WFDC8: variants seen among roughly 807,000 people sequenced by gnomAD.
WFDC8 encodes the protein WAP four-disulfide core domain 8.
Under a neutral mutation model 27.0 loss-of-function variants are expected in WFDC8, and 24 were observed. The observed-to-expected ratio is 0.89, with a 90% CI of 0.64 to 1.25. WFDC8 has a LOEUF of 1.25. Ranked by LOEUF, WFDC8 falls within the 50% of genes most tolerant of loss-of-function variation. The probability of loss-of-function intolerance (pLI) is 0.00; values close to 1 mark genes in which losing one functional copy is unlikely to be tolerated. For synonymous variants in WFDC8, 106 were observed against 99.7 expected, an observed-to-expected ratio of 1.06 and a Z score of -0.38; for missense variants, 287 against 295.9, an observed-to-expected ratio of 0.97 and a Z score of 0.22.
chr20:45,566,989 T>A (rs1331560197), intron 1 of WFDC8, among the ~76,000 whole-genome samples: 19 of 152,244 alleles, frequency 1.2e-4, no homozygotes, highest in Non-Finnish European at 2.6e-4. Context: ...ATAAATGCTA[T>A]GCAAGTAGTT....
At chr20:45,564,031 T>C (rs1172641334) in intron 1 of WFDC8, among the ~76,000 whole-genome samples, 1 of 152,266 alleles carries the variant, frequency 6.6e-6, no homozygotes, top group African/African-American at 2.4e-5. Flanking sequence ...CATTCAAATT[T>C]AATTGGTCAT....
Position 45,556,772 on chromosome 20 carries a change from T to C in WFDC8, c.278-904A>G, listed in dbSNP as rs142516015. Among the ~76,000 whole-genome samples the C allele has an allele frequency of 8.1e-4, 123 of 152,332 alleles. 2 individuals carry two copies. Among genetic ancestry groups the C allele is most frequent in the African/African-American group, 2.9e-3 (120 of 41,576 alleles). On this transcript the variant is annotated intron_variant, in intron 3 of 5. Coordinates refer to ENST00000289953, the MANE Select transcript of WFDC8 (RefSeq NM_130896.3). ...TATTGTTTTGAAGGGTCATCTCTTATTCTGTGCAACAACAACAAACTATTT... is the reference window on the plus strand; with the variant it reads ...TATTGTTTTGAAGGGTCATCTCTTACTCTGTGCAACAACAACAAACTATTT...
intron 1 of WFDC8, chr20:45,568,652 G>C (rs1329071543): frequency 1.9e-6 from 1 of 536,800 alleles, no homozygotes; most frequent in Non-Finnish European, 3.8e-6. Context: ...AAAGTGTACT[G>C]TTGCAGGCAG....
At chr20:45,559,908 G>T (rs911632348) in intron 2 of WFDC8, 2 of 152,144 alleles carry the variant, frequency 1.3e-5, no homozygotes, top group African/African-American at 4.8e-5. Flanking sequence ...ATGGCTTCCT[G>T]ATTTCAGTGC....
At chr20:45,575,040 C>T (rs1220824762) in intron 1 of WFDC8, among the ~76,000 whole-genome samples, 3 of 152,046 alleles carry the variant, frequency 2.0e-5, no homozygotes, top group African/African-American at 4.8e-5. Context: ...ACAATAAAGG[C>T]CAGATATGAC....
intron 1 of WFDC8, among the ~76,000 whole-genome samples, chr20:45,570,895 G>A (rs1980844634): frequency 6.6e-6 from 1 of 152,208 alleles, no homozygotes; most frequent in East Asian, 1.9e-4. Context: ...CATGCTATTT[G>A]GAGAAATGAA....
chr20:45,551,401 G>T (rs1198666601), downstream of WFDC8: 1 of 152,178 alleles, frequency 6.6e-6, no homozygotes, highest in African/African-American at 2.4e-5. Context: ...GCTGAGGTGG[G>T]TGGATCACCT....
chr20:45,553,853 CCTAA>C (rs1313683914), intron 4 of WFDC8, among the ~76,000 whole-genome samples: 1 of 152,142 alleles, frequency 6.6e-6, no homozygotes, highest in East Asian at 1.9e-4. Context: ...AAAATTATTT[CCTAA>C]CTAACTTAAT....
chr20:45,558,039 C>T (rs759306116), intron 3 of WFDC8, among the ~76,000 whole-genome samples: 1 of 152,144 alleles, frequency 6.6e-6, no homozygotes, highest in African/African-American at 2.4e-5. Context: ...CACCCGCCCC[C>T]CTCTAAGCTA....
intron 3 of WFDC8, among the ~76,000 whole-genome samples, chr20:45,557,433 TG>T (rs1980301885): frequency 1.3e-5 from 2 of 151,968 alleles, no homozygotes; most frequent in South Asian, 2.1e-4. Flanking sequence ...TATTTTCTTT[TG>T]TTTTTTTTTG....
chr20:45,552,539 A>G (rs1980076057), intron 5 of WFDC8, among the ~76,000 whole-genome samples: 1 of 152,198 alleles, frequency 6.6e-6, no homozygotes, highest in Non-Finnish European at 1.5e-5. Context: ...GAGTTGCCCA[A>G]TGCCACATAG....
chr20:45,573,442 C>T (rs531012333), intron 1 of WFDC8, among the ~76,000 whole-genome samples: 1 of 152,122 alleles, frequency 6.6e-6, no homozygotes, highest in South Asian at 2.1e-4. Context: ...TTGTTTTATC[C>T]CTCTCTGCCC....
chr20:45,571,035 C>T (rs1387585255), intron 1 of WFDC8, among the ~76,000 whole-genome samples: 1 of 152,108 alleles, frequency 6.6e-6, no homozygotes, highest in African/African-American at 2.4e-5. Context: ...GTTTCTGAGC[C>T]TGCTTGGGTA....
Position 45,558,918 on chromosome 20 carries a change from C to A in WFDC8, c.211G>T (p.Asp71Tyr). Residue 71 changes from aspartate (D) to tyrosine (Y), a missense_variant, in exon 3 of 6, where the codon GAC becomes TAC. By Grantham distance (160) the Asp-to-Tyr change is radical (BLOSUM62 -3). Transcript: ENST00000289953. ...ELPDSCNTDF[D>Y]CKEYQKCCFF... ...CAGCACTTCTGGTATTCCTTGCAGT[C>A]AAAATCTGTGTTACATGAGTCCGGA... 6.2e-7 allele frequency: 1 copy of A among 1,614,200 alleles called. No individual in the cohort carries two copies. The highest frequency in any genetic ancestry group is 1.7e-5 in the Admixed American group (1 of 60,024).
At chr20:45,562,259 C>CAG in intron 1 of WFDC8, 40 bp from the exon 2 acceptor site, 1 of 1,536,738 alleles carries the variant, frequency 6.5e-7, no homozygotes, top group Non-Finnish European at 9.0e-7. Flanking sequence ...AAGCACAATC[C>CAG]AGAGAGAGAC....
In WFDC8 at chr20:45,579,251, G is replaced by A. The variant is rs773923075; in HGVS notation, c.-4C>T. On this transcript the variant is annotated 5_prime_UTR_variant, in exon 1 of 6. Transcript: ENST00000289953. ...CTTCAGTTCGGACAGTCCACATCAG[G>A]CCTCTTCCCTATGGAGACAGCTTCC... 1.2e-6 allele frequency: 2 copies of A among 1,613,574 alleles called. No individual in the cohort carries two copies. Among genetic ancestry groups the A allele is most frequent in the Admixed American group, 1.7e-5 (1 of 59,964 alleles).
chr20:45,562,743 A>C (rs1176115079), intron 1 of WFDC8, among the ~76,000 whole-genome samples: 1 of 152,198 alleles, frequency 6.6e-6, no homozygotes, highest in Non-Finnish European at 1.5e-5. Flanking sequence ...TCCTTCTGTG[A>C]CTATCCAAGC....
At chr20:45,551,180 G>T (rs1042096379), downstream of WFDC8, 5 of 152,116 alleles carry the variant, frequency 3.3e-5, no homozygotes, top group African/African-American at 1.2e-4. Flanking sequence ...AGTTTATTAA[G>T]AATGCAAGGA....
intron 4 of WFDC8, among the ~76,000 whole-genome samples, chr20:45,553,616 T>C (rs1039121806): frequency 1.3e-5 from 2 of 152,210 alleles, no homozygotes; most frequent in Non-Finnish European, 2.9e-5. Context: ...GAAATGGGGA[T>C]CCATCACACT....
Sources: allele counts gnomAD v4.1 joint callset (sites outside exome capture counted in the v4.1 genomes callset), GRCh38; gene constraint gnomAD v4.1.1; transcripts MANE v1.5; gene names NCBI Gene and HGNC (gene_info 2026-07-23, HGNC 2026-07-21).